Variants in CPS1 observed in about 807,000 individuals in gnomAD.
The protein encoded by CPS1 is carbamoyl-phosphate synthase 1.
Under a neutral mutation model 174.6 loss-of-function variants are expected in CPS1, and 109 were observed. The observed-to-expected ratio is 0.62, with a 90% CI of 0.53 to 0.73. The LOEUF is 0.73. Among genes scored for constraint, CPS1 ranks in the 30% least tolerant of loss-of-function variants. The pLI is 0.00. For synonymous variants in CPS1, 637 were observed against 632.0 expected, an observed-to-expected ratio of 1.01 and a Z score of -0.12; for missense variants, 1,689 against 1,821.9, an observed-to-expected ratio of 0.93 and a Z score of 1.33.
chr2:210,481,660 A>G (rs1694572885), intron 1 of CPS1, among the ~76,000 whole-genome samples: 1 of 152,232 alleles, frequency 6.6e-6, no homozygotes, highest in Non-Finnish European at 1.5e-5. Context: ...GGTGCTCTTC[A>G]GTCATTTGAA....
At chr2:210,562,710 C>T (rs941730182) in intron 1 of CPS1, among the ~76,000 whole-genome samples, 1 of 152,000 alleles carries the variant, frequency 6.6e-6, no homozygotes, top group African/African-American at 2.4e-5. Context: ...TAGCCTTAGG[C>T]CTTGGTGAAA....
At chr2:210,515,349 G>A (rs182706441) in intron 1 of CPS1, among the ~76,000 whole-genome samples, 2,142 of 150,140 alleles carry the variant, frequency 0.014, 25 homozygotes, top group Non-Finnish European at 0.02. Context: ...TGGTTGGTAG[G>A]TTTTTTTTTA....
At chr2:210,571,159 T>C (rs1006893960) in intron 1 of CPS1, among the ~76,000 whole-genome samples, 5 of 151,970 alleles carry the variant, frequency 3.3e-5, no homozygotes, top group Non-Finnish European at 1.5e-5. Context: ...AAATAAATTA[T>C]TGTGGTTTCC....
intron 1 of CPS1, among the ~76,000 whole-genome samples, chr2:210,551,138 GT>G (rs1322459524): frequency 1.3e-5 from 2 of 151,780 alleles, no homozygotes; most frequent in Non-Finnish European, 2.9e-5. Flanking sequence ...TTTACAGCTT[GT>G]TTTTCTTTCT....
intron 7 of CPS1, 113 bp from the exon 8 acceptor site, chr2:210,589,993 T>G: frequency 7.0e-7 from 1 of 1,419,028 alleles, no homozygotes; most frequent in Non-Finnish European, 9.9e-7. Flanking sequence ...TTTAAATGTT[T>G]ACAAATTTTT....
chr2:210,590,634 A>G lies in CPS1; in HGVS notation c.841-166A>G, dbSNP rs562993362. ...AATGTAAAGTACATCTTAATGAATT[A>G]TAATGCTACAAATTTGTCAATTATG... On this transcript the variant is annotated intron_variant, in intron 8 of 37. Transcript: ENST00000233072. 1.6e-4 allele frequency among the ~76,000 whole-genome samples: 24 copies of G among 152,220 alleles called. No homozygotes were observed. In the South Asian group the frequency reaches 5.0e-3, roughly 32 times the overall value.
At chr2:210,635,464 T>G (rs1439750683) in intron 21 of CPS1, among the ~76,000 whole-genome samples, 1 of 152,252 alleles carries the variant, frequency 6.6e-6, no homozygotes, top group African/African-American at 2.4e-5. Context: ...TGATGAAATA[T>G]TCTGTAATCT....
intron 1 of CPS1, among the ~76,000 whole-genome samples, chr2:210,532,304 C>T (rs1696136086): frequency 6.6e-6 from 1 of 152,082 alleles, no homozygotes; most frequent in Non-Finnish European, 1.5e-5. Flanking sequence ...GACCTTGGAG[C>T]TATTTGGAAG....
chr2:210,564,887 C>T (rs1385791969), intron 1 of CPS1, among the ~76,000 whole-genome samples: 3 of 151,814 alleles, frequency 2.0e-5, no homozygotes, highest in Non-Finnish European at 4.4e-5. Context: ...CTCAGCTACT[C>T]GGGAGGCTGA....
chr2:210,528,144 T>G lies in CPS1; in HGVS notation c.4-28575T>G, dbSNP rs1696022976. On this transcript the variant is annotated intron_variant, in intron 1 of 38. Coordinates refer to the CPS1 transcript ENST00000430249. ...ACTTGAAGTAGTACTCAATTGCTTG[T>G]TTAGTGGGCATATAATTAGAACAAA... 2.0e-5 allele frequency among the ~76,000 whole-genome samples: 3 copies of G among 151,922 alleles called. No homozygotes were observed. The South Asian group carries it at 6.2e-4, about 32-fold the overall frequency.
intron 34 of CPS1, chr2:210,671,793 G>A (rs535673115): frequency 6.6e-6 from 1 of 152,272 alleles, no homozygotes; most frequent in East Asian, 1.9e-4. Context: ...TCCACCTGGG[G>A]GACAACACTG....
intron 1 of CPS1, among the ~76,000 whole-genome samples, chr2:210,497,012 A>G (rs1695007689): frequency 6.6e-6 from 1 of 152,120 alleles, no homozygotes. Flanking sequence ...CTTTTAACTG[A>G]TTATATCTTT....
chr2:210,590,734 G>A, intron 8 of CPS1, 66 bp from the exon 9 acceptor site: 2 of 1,219,510 alleles, frequency 1.6e-6, no homozygotes, highest in Non-Finnish European at 2.4e-6. Context: ...CCTCATTTTT[G>A]TTCATTCAGA....
chr2:210,480,872 A>C (rs1694551186), intron 1 of CPS1, among the ~76,000 whole-genome samples: 1 of 152,200 alleles, frequency 6.6e-6, no homozygotes, highest in Admixed American at 6.5e-5. Flanking sequence ...TGTACTACTG[A>C]AGCAATTTTC....
intron 21 of CPS1, among the ~76,000 whole-genome samples, chr2:210,624,495 T>C (rs1699637216): frequency 6.6e-6 from 1 of 151,970 alleles, no homozygotes; most frequent in Non-Finnish European, 1.5e-5. Context: ...AAGAGAAGAG[T>C]AATACCATGG....
intron 21 of CPS1, chr2:210,619,585 C>A (rs908854817): frequency 1.3e-5 from 2 of 152,026 alleles, no homozygotes; most frequent in Non-Finnish European, 2.9e-5. Context: ...TGCAATGTAT[C>A]ATTTCTTAAT....
rs889610982 is a variant in CPS1, at chr2:210,675,703, A to T, written c.4162-25A>T. The T allele has an allele frequency of 1.4e-5, 15 of 1,096,992 alleles. No individual in the cohort carries two copies. In the Admixed American group the frequency reaches 1.7e-4, roughly 12 times the overall value. The allele number at this position is 1,096,992 out of a possible 1,614,324, so 68.0% of individuals were successfully genotyped here. On this transcript the variant is annotated intron_variant, in intron 35 of 37. Transcript: ENST00000233072. ...AATAAGAAATCACTGTGATACGGTA[A>T]TTGATTTTTTCATTTTAAATGCAGC... is the stretch of plus-strand genomic sequence containing the variant.
At chr2:210,555,515 A>C (rs866446467), upstream of CPS1, 22 of 412,868 alleles carry the variant, frequency 5.3e-5, no homozygotes, top group Middle Eastern at 7.6e-4. Flanking sequence ...GAATATATTA[A>C]GTAAGCGTGA....
At position 210,612,161 on chromosome 2, in the gene CPS1, T is replaced by G. The variant is rs771710751; in HGVS notation, c.2436T>G (p.Ala812=). The G allele has an allele frequency of 1.2e-6, 2 of 1,612,136 alleles. No individual in the cohort carries two copies. The highest frequency in any genetic ancestry group is 1.3e-5 in the African/African-American group (1 of 74,756). ...GRTFEESFQK[A]LRMCHPSIEG... is the part of the protein sequence containing the mutation. ...CCTTTGAGGAGAGTTTCCAGAAAGC[T>G]TTACGGATGTGCCACCCATCTATAG... Residue 812 remains alanine (A), a synonymous_variant, in exon 20 of 38, where the codon GCT becomes GCG. Transcript: ENST00000233072.
Sources: allele counts gnomAD v4.1 joint callset (sites outside exome capture counted in the v4.1 genomes callset), GRCh38; gene constraint gnomAD v4.1.1; transcripts MANE v1.5; gene names NCBI Gene and HGNC (gene_info 2026-07-23, HGNC 2026-07-21).